The following LOC730098 variants were observed in gnomAD, a reference collection of about 807,000 sequenced individuals.
the LOC730098 span, chr9:34,665,546 C>A: frequency 1.4e-6 from 1 of 693,404 alleles, no homozygotes; most frequent in South Asian, 1.5e-5. Context: ...CTCGCCCCCG[C>A]AGAACTCCAC....
chr9:34,665,246 C>A, the LOC730098 span: 1 of 696,398 alleles, frequency 1.4e-6, no homozygotes, highest in Admixed American at 2.0e-5. Flanking sequence ...GGATTCCCCC[C>A]GATGGGTCCT....
the LOC730098 span, chr9:34,665,504 C>T: frequency 2.9e-6 from 2 of 697,836 alleles, no homozygotes; most frequent in Admixed American, 2.0e-5. Flanking sequence ...CCCTTCGCGC[C>T]CACGCCCCTG....
the LOC730098 span, chr9:34,665,279 C>T: frequency 1.4e-6 from 1 of 701,966 alleles, no homozygotes; most frequent in Non-Finnish European, 2.6e-6. Flanking sequence ...CCCGTCCATG[C>T]CCGGGGCGGG....
chr9:34,665,589 T>G, the LOC730098 span: 345 of 570,274 alleles, frequency 6.0e-4, 2 homozygotes, highest in African/African-American at 5.8e-3. Flanking sequence ...TGGTTCCTCC[T>G]CCGCAGAACC....
chr9:34,665,216 G>T, the LOC730098 span: 1 of 671,512 alleles, frequency 1.5e-6, no homozygotes, highest in Non-Finnish European at 2.7e-6. Flanking sequence ...ACACTGGCAT[G>T]AGGCGGGGCG....
At chr9:34,665,544 C>T in the LOC730098 span, 2 of 697,108 alleles carry the variant, frequency 2.9e-6, no homozygotes, top group Non-Finnish European at 5.2e-6. Context: ...CCCTCGCCCC[C>T]GCAGAACTCC....
the LOC730098 span, chr9:34,666,014 A>C: frequency 1.3e-5 from 4 of 318,218 alleles, no homozygotes; most frequent in Non-Finnish European, 1.8e-5. Context: ...CGCAGCCTAA[A>C]CTCCCGCCCT....
chr9:34,665,259 G>A, the LOC730098 span: 1 of 701,264 alleles, frequency 1.4e-6, no homozygotes, highest in South Asian at 1.5e-5. Context: ...TGGGTCCTCA[G>A]AGACTGAGTC....
the LOC730098 span, chr9:34,665,408 C>T: frequency 2.4e-6 from 1 of 424,376 alleles, no homozygotes; most frequent in Non-Finnish European, 4.6e-6. Context: ...CGGGGCGGGG[C>T]GGGGCGGGGA....
At chr9:34,665,363 C>T in the LOC730098 span, 2 of 701,908 alleles carry the variant, frequency 2.8e-6, no homozygotes, top group Non-Finnish European at 5.2e-6. Context: ...TAGAAACAGC[C>T]CCAGTAGATC....
At chr9:34,665,299 T>C in the LOC730098 span, 1 of 701,926 alleles carries the variant, frequency 1.4e-6, no homozygotes, top group Non-Finnish European at 2.6e-6. Flanking sequence ...GTCCGCGGTA[T>C]CGCAGCCTCC....
chr9:34,665,383 G>A, the LOC730098 span: 4 of 701,224 alleles, frequency 5.7e-6, no homozygotes, highest in African/African-American at 3.5e-5. Flanking sequence ...CCTGCAGAGA[G>A]AGGGCAGAGC....
chr9:34,664,842 G>C, the LOC730098 span: 1 of 414,336 alleles, frequency 2.4e-6, no homozygotes, highest in African/African-American at 2.1e-5. Context: ...GTTTTTGGGG[G>C]TTGGGATTGG....
chr9:34,665,986 G>A, the LOC730098 span: 3 of 432,554 alleles, frequency 6.9e-6, no homozygotes, highest in African/African-American at 2.0e-5. Flanking sequence ...ACCTGGAGGG[G>A]GGGCTGAGAG....
At chr9:34,664,807 T>C in the LOC730098 span, 2 of 403,568 alleles carry the variant, frequency 5.0e-6, no homozygotes, top group Non-Finnish European at 8.8e-6. Flanking sequence ...TTTAGTTCTC[T>C]TCATATAGGC....
the LOC730098 span, chr9:34,664,877 G>A: frequency 7.0e-6 from 3 of 428,162 alleles, no homozygotes; most frequent in African/African-American, 6.1e-5. Context: ...GATAGTAACA[G>A]GAGGCCTGAC....
At chr9:34,665,983 G>A in the LOC730098 span, 141 of 438,424 alleles carry the variant, frequency 3.2e-4, 2 homozygotes, top group Non-Finnish European at 4.8e-4. Context: ...GTCACCTGGA[G>A]GGGGGGCTGA....
At chr9:34,665,211 G>A in the LOC730098 span, 3 of 669,178 alleles carry the variant, frequency 4.5e-6, no homozygotes, top group South Asian at 4.8e-5. Context: ...ACCCGACACT[G>A]GCATGAGGCG....
At chr9:34,665,640 T>A in the LOC730098 span, 1 of 700,998 alleles carries the variant, frequency 1.4e-6, no homozygotes, top group Non-Finnish European at 2.6e-6. Flanking sequence ...CGCCACCTCG[T>A]ATCTCCTCAT....
Sources: gnomAD v4.1 joint callset for allele counts on GRCh38, gnomAD v4.1.1 for gene constraint, MANE v1.5 for transcripts.